The following GRM8 variants were observed in gnomAD, a reference collection of about 807,000 sequenced individuals.
GRM8 encodes the protein metabotropic glutamate receptor 8.
In GRM8, 47 loss-of-function variants were observed where a neutral mutation model predicts 87.2. The observed-to-expected ratio is 0.54, with a 90% CI of 0.43 to 0.69. The LOEUF is 0.69. GRM8 is among the 30% of genes least tolerant of loss of function. The pLI, the probability that GRM8 is intolerant of heterozygous loss-of-function variation, is 0.00. For synonymous variants in GRM8, 396 were observed against 404.5 expected, an observed-to-expected ratio of 0.98 and a Z score of 0.25; for missense variants, 1,019 against 1,139.2, an observed-to-expected ratio of 0.89 and a Z score of 1.52.
chr7:127,131,829 CT>C (rs1194732100), intron 2 of GRM8, among the ~76,000 whole-genome samples: 3 of 152,068 alleles, frequency 2.0e-5, no homozygotes, highest in Non-Finnish European at 4.4e-5. Flanking sequence ...AACATTTCCT[CT>C]TTTATCCTTT....
chr7:126,627,972 T>C (rs781317970), intron 7 of GRM8, among the ~76,000 whole-genome samples: 2 of 152,224 alleles, frequency 1.3e-5, no homozygotes, highest in Non-Finnish European at 2.9e-5. Context: ...TTGTTTCTTA[T>C]AATGTTCTTC....
chr7:126,544,942 TA>T (rs1816971631), intron 8 of GRM8, among the ~76,000 whole-genome samples: 1 of 152,218 alleles, frequency 6.6e-6, no homozygotes, highest in Non-Finnish European at 1.5e-5. Flanking sequence ...GTCTAAAAAT[TA>T]TATCAGAAGC....
intron 6 of GRM8, among the ~76,000 whole-genome samples, chr7:126,805,693 T>C (rs1266889730): frequency 2.0e-5 from 3 of 152,236 alleles, no homozygotes; most frequent in Non-Finnish European, 4.4e-5. Flanking sequence ...TTATTCTGTT[T>C]GGTACCCAAG....
chr7:127,152,127 G>A (rs1481643028), intron 2 of GRM8, among the ~76,000 whole-genome samples: 1 of 152,106 alleles, frequency 6.6e-6, no homozygotes, highest in Non-Finnish European at 1.5e-5. Flanking sequence ...AAGACAGCAA[G>A]ACAGACAGAG....
At chr7:127,125,881 T>A in intron 2 of GRM8, among the ~76,000 whole-genome samples, 1 of 151,730 alleles carries the variant, frequency 6.6e-6, no homozygotes, top group Non-Finnish European at 1.5e-5. Flanking sequence ...AAAAATACTT[T>A]ACATCACTAA....
intron 2 of GRM8, among the ~76,000 whole-genome samples, chr7:127,241,443 T>C (rs894317520): frequency 3.3e-5 from 5 of 151,358 alleles, no homozygotes; most frequent in Non-Finnish European, 5.9e-5. Flanking sequence ...TTTTCTTTTT[T>C]TTTTTTTTGA....
chr7:126,498,871 G>A (rs1297000287), intron 9 of GRM8, among the ~76,000 whole-genome samples: 1 of 151,898 alleles, frequency 6.6e-6, no homozygotes, highest in African/African-American at 2.4e-5. Context: ...ACTGATGAAG[G>A]TAACTTGTTA....
chr7:127,124,939 C>T (rs1827279802), intron 2 of GRM8, among the ~76,000 whole-genome samples: 1 of 152,018 alleles, frequency 6.6e-6, no homozygotes, highest in African/African-American at 2.4e-5. Flanking sequence ...AACATCCATT[C>T]ACAAAATAGA....
intron 3 of GRM8, among the ~76,000 whole-genome samples, chr7:127,017,551 G>T (rs991740708): frequency 1.3e-5 from 2 of 152,094 alleles, no homozygotes; most frequent in Non-Finnish European, 2.9e-5. Flanking sequence ...GTAGCTAGAA[G>T]AAGGTGTCAT....
chr7:126,924,069 G>T (rs193291236), intron 3 of GRM8, among the ~76,000 whole-genome samples: 2 of 152,184 alleles, frequency 1.3e-5, no homozygotes, highest in Admixed American at 1.3e-4. Context: ...CAGCAAATGG[G>T]CCACCTACAT....
intron 3 of GRM8, among the ~76,000 whole-genome samples, chr7:127,055,808 A>AG (rs1819925840): frequency 6.8e-6 from 1 of 147,676 alleles, no homozygotes; most frequent in Non-Finnish European, 1.5e-5. Context: ...GCTATCTCTA[A>AG]GGGGAAAAAA....
At chr7:126,915,084 C>A (rs781026827) in intron 3 of GRM8, among the ~76,000 whole-genome samples, 77 of 152,284 alleles carry the variant, frequency 5.1e-4, no homozygotes, top group Admixed American at 4.1e-3. Flanking sequence ...CCACGCTGGG[C>A]TCTCACTCAG....
At chr7:126,840,165 T>G (rs1796144726) in intron 6 of GRM8, among the ~76,000 whole-genome samples, 2 of 152,206 alleles carry the variant, frequency 1.3e-5, no homozygotes, top group African/African-American at 2.4e-5. Flanking sequence ...AAATTGCATC[T>G]GATCTTGAAA....
At chr7:126,721,304 T>C (rs1301432273) in intron 7 of GRM8, among the ~76,000 whole-genome samples, 1 of 152,182 alleles carries the variant, frequency 6.6e-6, no homozygotes, top group Non-Finnish European at 1.5e-5. Flanking sequence ...TGTCTTACAA[T>C]ACTGAAGTGC....
chr7:126,580,528 C>T (rs917866118), intron 8 of GRM8, among the ~76,000 whole-genome samples: 16 of 152,262 alleles, frequency 1.1e-4, no homozygotes, highest in African/African-American at 3.6e-4. Context: ...ATCTCCTGGT[C>T]TCCCATATCC....
chr7:126,814,298 A>C (rs1793568100), intron 6 of GRM8, among the ~76,000 whole-genome samples: 1 of 152,108 alleles, frequency 6.6e-6, no homozygotes, highest in African/African-American at 2.4e-5. Flanking sequence ...CCTGATTATT[A>C]GAACAGACAT....
intron 7 of GRM8, among the ~76,000 whole-genome samples, chr7:126,744,288 T>A (rs1269084131): frequency 6.6e-6 from 1 of 152,130 alleles, no homozygotes; most frequent in South Asian, 2.1e-4. Flanking sequence ...TTATTAAGAC[T>A]TGGGTGTTTG....
intron 6 of GRM8, among the ~76,000 whole-genome samples, chr7:126,849,001 C>T (rs1399526723): frequency 2.0e-5 from 3 of 151,988 alleles, no homozygotes; most frequent in African/African-American, 7.3e-5. Flanking sequence ...AGAACTTGTG[C>T]AGGGAAACTC....
rs540258520 is a variant in GRM8 at position 127,127,871 on chromosome 7, G to T, written c.511-21159C>A. ...CCCTTCAAAAACAAGTCCTCCTTAA[G>T]TTATTTGAAATCTTGGTATAATGTT... On this transcript the variant is annotated intron_variant, in intron 2 of 10. Transcript: ENST00000339582. Among the ~76,000 whole-genome samples, 174 of 152,104 alleles carry T rather than the reference G, an allele frequency of 1.1e-3. 1 individual carries two copies. The highest frequency in any genetic ancestry group is 4.2e-3 in the African/African-American group (173 of 41,530).
Sources: gnomAD v4.1 joint callset for allele counts (sites outside exome capture counted in the v4.1 genomes callset) on GRCh38, gnomAD v4.1.1 for gene constraint, MANE v1.5 for transcripts, NCBI Gene and HGNC (gene_info 2026-07-23, HGNC 2026-07-21) for gene names.